The following LRIG1 variants were observed in gnomAD, a reference collection of about 807,000 sequenced individuals.
The protein encoded by LRIG1 is leucine rich repeats and immunoglobulin like domains 1.
In LRIG1, 48 loss-of-function variants were observed where a neutral mutation model predicts 99.2. That is an observed-to-expected ratio of 0.48 (90% confidence interval 0.38 to 0.62). LRIG1 has a LOEUF of 0.62. Among genes scored for constraint, LRIG1 ranks in the 20% least tolerant of loss-of-function variants. The probability of loss-of-function intolerance (pLI) is 0.00; values close to 1 mark genes in which losing one functional copy is unlikely to be tolerated. For missense variants in LRIG1, 1,646 were observed against 1,434.4 expected, an observed-to-expected ratio of 1.15 and a Z score of -2.38; for synonymous variants, 772 against 596.1, an observed-to-expected ratio of 1.29 and a Z score of -4.30.
intron 3 of LRIG1, among the ~76,000 whole-genome samples, chr3:66,441,911 G>GT (rs1251341185): frequency 2.0e-5 from 3 of 152,184 alleles, no homozygotes; most frequent in Non-Finnish European, 2.9e-5. Context: ...TGCCTCATCT[G>GT]TAAATTGTGC....
At chr3:66,435,161 C>G (rs4856817) in intron 3 of LRIG1, among the ~76,000 whole-genome samples, 1 of 152,166 alleles carries the variant, frequency 6.6e-6, no homozygotes, top group Admixed American at 6.5e-5. Context: ...CAGGGAATTA[C>G]GCTGAGTGAA....
rs528786388 is a variant in LRIG1 at position 66,439,159 on chromosome 3, G to A, written c.365+12400C>T. ...TTATCACAGCTGTCTGCAAGGCCATGGGGAAGGGGAGCCCCTGGAAGAACT... is the reference window on the plus strand; with the variant it reads ...TTATCACAGCTGTCTGCAAGGCCATAGGGAAGGGGAGCCCCTGGAAGAACT... On this transcript the variant is annotated intron_variant, in intron 3 of 18. Coordinates refer to ENST00000273261, the MANE Select transcript of LRIG1 (RefSeq NM_015541.3). Among the ~76,000 whole-genome samples the A allele has an allele frequency of 1.1e-3, 168 of 152,352 alleles. 2 individuals carry two copies. The highest frequency in any genetic ancestry group is 2.8e-3 in the Admixed American group (43 of 15,310).
intron 13 of LRIG1, among the ~76,000 whole-genome samples, 167 bp downstream of exon 13, chr3:66,385,814 T>C (rs1701343958): frequency 6.6e-6 from 1 of 152,216 alleles, no homozygotes; most frequent in Non-Finnish European, 1.5e-5. Context: ...CCTTGAAATC[T>C]GCAAAACTTG....
chr3:66,409,797 T>C (rs778395740), intron 7 of LRIG1: 1 of 233,288 alleles, frequency 4.3e-6, no homozygotes, highest in Non-Finnish European at 8.4e-6. Flanking sequence ...CACTCTGCCA[T>C]AGCTGCCCTT....
chr3:66,414,198 C>A (rs1170141217), intron 5 of LRIG1, among the ~76,000 whole-genome samples: 1 of 152,040 alleles, frequency 6.6e-6, no homozygotes, highest in Non-Finnish European at 1.5e-5. Flanking sequence ...GAGATCGAGA[C>A]CATCCTGGGT....
At chr3:66,483,074 G>A (rs575688152) in intron 1 of LRIG1, among the ~76,000 whole-genome samples, 3 of 152,086 alleles carry the variant, frequency 2.0e-5, no homozygotes, top group African/African-American at 7.2e-5. Flanking sequence ...CCCCCCGTAA[G>A]GCCACCAAGA....
chr3:66,455,859 G>C (rs958870610), intron 2 of LRIG1, among the ~76,000 whole-genome samples: 3 of 152,188 alleles, frequency 2.0e-5, no homozygotes, highest in Non-Finnish European at 2.9e-5. Flanking sequence ...AATTATTTTA[G>C]CGTAGGATAT....
chr3:66,426,670 C>G (rs887897660), intron 3 of LRIG1, among the ~76,000 whole-genome samples: 11 of 152,192 alleles, frequency 7.2e-5, no homozygotes, highest in African/African-American at 2.4e-4. Flanking sequence ...TTATGTTCCT[C>G]AAGAGATCAA....
At chr3:66,385,410 C>A (rs1701324588) in intron 13 of LRIG1, among the ~76,000 whole-genome samples, 1 of 152,156 alleles carries the variant, frequency 6.6e-6, no homozygotes, top group Non-Finnish European at 1.5e-5. Flanking sequence ...AGGATAAGAA[C>A]TGGACAAAAC....
chr3:66,381,662 T>C, intron 16 of LRIG1, 31 bp from the exon 17 acceptor site: 3 of 1,602,324 alleles, frequency 1.9e-6, no homozygotes, highest in Non-Finnish European at 2.6e-6. Flanking sequence ...GATTAGAAAC[T>C]CTGGGCTTGG....
At chr3:66,488,480 A>C (rs553363514) in intron 1 of LRIG1, among the ~76,000 whole-genome samples, 399 of 151,532 alleles carry the variant, frequency 2.6e-3, no homozygotes, top group African/African-American at 9.2e-3. Context: ...AAAACAAAAA[A>C]AAAAAAATTA....
intron 11 of LRIG1, among the ~76,000 whole-genome samples, chr3:66,395,693 C>T (rs964969160): frequency 2.0e-5 from 3 of 152,160 alleles, no homozygotes; most frequent in African/African-American, 4.8e-5. Flanking sequence ...CTGCAGGTGG[C>T]GGAAGGGCTG....
At chr3:66,431,546 C>T (rs1559796148) in intron 3 of LRIG1, among the ~76,000 whole-genome samples, 4 of 152,206 alleles carry the variant, frequency 2.6e-5, no homozygotes, top group African/African-American at 9.7e-5. Flanking sequence ...GATGGAGATA[C>T]TGCACTTCAC....
intron 8 of LRIG1, 33 bp downstream of exon 8, chr3:66,407,315 A>G: frequency 6.2e-7 from 1 of 1,613,052 alleles, no homozygotes; most frequent in East Asian, 2.2e-5. Context: ...CCCACTGGGG[A>G]CCCCTTTATC....
At chr3:66,440,334 G>A (rs756776033) in intron 3 of LRIG1, among the ~76,000 whole-genome samples, 1 of 152,054 alleles carries the variant, frequency 6.6e-6, no homozygotes, top group African/African-American at 2.4e-5. Context: ...GAGAGCCACC[G>A]CTTAAACATT....
Position 66,380,405 on chromosome 3 carries a change from G to C in LRIG1, c.3140C>G (p.Pro1047Arg). 6.2e-7 allele frequency: 1 copy of C among 1,614,164 alleles called. No homozygotes were observed. The highest frequency in any genetic ancestry group is 2.2e-5 in the East Asian group (1 of 44,888). ...QPASSLTSGSPERAEAQYLLV... is the reference protein window; with the variant it reads ...QPASSLTSGSRERAEAQYLLV... Reference sequence around the variant, plus strand: ...CAAGTACTGGGCTTCCGCGCGCTCTGGACTGCCTGAAGTTAATGAAGATGC... The same window carrying C: ...CAAGTACTGGGCTTCCGCGCGCTCTCGACTGCCTGAAGTTAATGAAGATGC... Residue 1047 changes from proline to arginine, a missense_variant, in exon 19 of 19, where the codon CCA becomes CGA. Pro to Arg is a moderately radical substitution (Grantham distance 103). Coordinates refer to ENST00000273261, the MANE Select transcript of LRIG1 (RefSeq NM_015541.3).
At position 66,383,941 on chromosome 3, in the gene LRIG1, C is replaced by T. The variant is rs76639556; in HGVS notation, c.2071+50G>A. 1.9e-6 allele frequency: 3 copies of T among 1,561,552 alleles called. No individual in the cohort carries two copies. The South Asian group carries it at 3.5e-5, about 18-fold the overall frequency. ...ACACAGAGCATTTGAGAGTCTCTCT[C>T]TCTCGCTCACACACACACACACACA... On this transcript the variant is annotated intron_variant, in intron 14 of 18. Transcript: ENST00000273261.
intron 3 of LRIG1, among the ~76,000 whole-genome samples, chr3:66,437,276 G>A (rs1703392732): frequency 6.6e-6 from 1 of 152,194 alleles, no homozygotes; most frequent in Non-Finnish European, 1.5e-5. Flanking sequence ...ACACATCTGT[G>A]GTAAGGTAAG....
chr3:66,426,417 G>A (rs1224776150), intron 3 of LRIG1, among the ~76,000 whole-genome samples: 4 of 152,180 alleles, frequency 2.6e-5, no homozygotes, highest in African/African-American at 7.2e-5. Flanking sequence ...TGTGTTTCTT[G>A]GGGTGCAGAG....
Sources: allele counts gnomAD v4.1 joint callset (sites outside exome capture counted in the v4.1 genomes callset), GRCh38; gene constraint gnomAD v4.1.1; transcripts MANE v1.5; gene names NCBI Gene and HGNC (gene_info 2026-07-23, HGNC 2026-07-21).